The following GDPD3 variants were observed in gnomAD, a reference collection of about 807,000 sequenced individuals.
GDPD3 encodes lysophospholipase D GDPD3.
In GDPD3, 40 loss-of-function variants were observed where a neutral mutation model predicts 43.7. The ratio of observed to expected loss-of-function variants is 0.91; its 90% CI spans 0.71 to 1.19. The LOEUF is 1.19. Ranked by LOEUF, GDPD3 falls within the 50% of genes most tolerant of loss-of-function variation. The pLI is 0.00. For synonymous variants in GDPD3, 145 were observed against 162.9 expected, an observed-to-expected ratio of 0.89 and a Z score of 0.84; for missense variants, 363 against 415.8, an observed-to-expected ratio of 0.87 and a Z score of 1.11.
Position 30,112,359 on chromosome 16 carries a change from T to C in GDPD3, c.430A>G (p.Arg144Gly). 6.2e-7 allele frequency: 1 copy of C among 1,614,198 alleles called. No individual in the cohort carries two copies. The highest frequency in any genetic ancestry group is 8.5e-7 in the Non-Finnish European group (1 of 1,180,038). Reference sequence around the variant, plus strand: ...TTGATCTCTACGCTCATGGGTGTCCTTGGAAACCTCTGGAACAGGTCCTCC... The same window carrying C: ...TTGATCTCTACGCTCATGGGTGTCCCTGGAAACCTCTGGAACAGGTCCTCC... ...RLEDLFQRFP[R>G]TPMSVEIKGK... Residue 144 changes from arginine to glycine, a missense_variant, in exon 5 of 10, where the codon AGG becomes GGG. Transcript: ENST00000406256. This position sits in a 1 kb window ranked among gnomAD's most constrained non-coding sequence, Gnocchi z 5.4.
Position 30,112,853 on chromosome 16 carries a change from G to T in GDPD3, c.183-60C>A. 6.3e-7 allele frequency: 1 copy of T among 1,575,880 alleles called. No individual in the cohort carries two copies. The highest frequency in any genetic ancestry group is 2.2e-5 in the East Asian group (1 of 44,668). On this transcript the variant is annotated intron_variant, in intron 2 of 9. Coordinates refer to ENST00000406256, the MANE Select transcript of GDPD3 (RefSeq NM_024307.3). This position sits in a 1 kb window ranked among gnomAD's most constrained non-coding sequence, Gnocchi z 5.4. ...GGGGACTGGGATGAGGGGCATGGTGGCTGGGAGGTGGCCGGGAATGTGAGA... is the reference window on the plus strand; with the variant it reads ...GGGGACTGGGATGAGGGGCATGGTGTCTGGGAGGTGGCCGGGAATGTGAGA...
chr16:30,112,353 G>A lies in GDPD3; in HGVS notation c.436C>T (p.Pro146Ser), dbSNP rs1470082781. The A allele has an allele frequency of 6.2e-7, 1 of 1,614,216 alleles. No individual in the cohort carries two copies. Among genetic ancestry groups the A allele is most frequent in the Non-Finnish European group, 8.5e-7 (1 of 1,180,044 alleles). ...TTCCCTTTGATCTCTACGCTCATGG[G>A]TGTCCTTGGAAACCTCTGGAACAGG... ...EDLFQRFPRT[P>S]MSVEIKGKNE... Residue 146 changes from proline to serine, a missense_variant, in exon 5 of 10, where the codon CCC (proline) becomes TCC (serine). Pro to Ser is a moderately conservative substitution (Grantham distance 74). Coordinates refer to ENST00000406256, the MANE Select transcript of GDPD3 (RefSeq NM_024307.3). This position sits in a 1 kb window ranked among gnomAD's most constrained non-coding sequence, Gnocchi z 5.4.
In GDPD3 at chr16:30,113,371, G is replaced by C; in HGVS notation, c.108C>G (p.Thr36=). ...PHLLHTPRAP[T]FRIRLGAHRG... is the part of the protein sequence containing the mutation. ...GGTGGGCCCCCAGGCGGATGCGGAA[G>C]GTGGGAGCCCTGGGCGTGTGCAGCA... is the stretch of plus-strand genomic sequence containing the variant. Residue 36 remains threonine, a synonymous_variant, in exon 1 of 10, where the codon ACC becomes ACG. Coordinates refer to ENST00000406256, the MANE Select transcript of GDPD3 (RefSeq NM_024307.3). This position sits in a 1 kb window ranked among gnomAD's most constrained non-coding sequence, Gnocchi z 5.9. The C allele has an allele frequency of 6.2e-7, 1 of 1,609,726 alleles. No individual in the cohort carries two copies. Among genetic ancestry groups the C allele is most frequent in the Non-Finnish European group, 8.5e-7 (1 of 1,177,554 alleles).
rs960836995 is a variant in GDPD3 at position 30,113,017 on chromosome 16, C to A, written c.182+5G>T. The stretch of plus-strand genomic sequence containing the variant: ...GGCAGCCTGGGCAGGGGCAGATACA[C>A]TCACTTCTCCATGGCCTCCATGGTG... On this transcript the variant is annotated splice_donor_5th_base_variant and intron_variant, in intron 2 of 9. Coordinates refer to ENST00000406256, the MANE Select transcript of GDPD3 (RefSeq NM_024307.3). This position sits in a 1 kb window ranked among gnomAD's most constrained non-coding sequence, Gnocchi z 5.9. 6.2e-7 allele frequency: 1 copy of A among 1,613,196 alleles called. No homozygotes were observed. Among genetic ancestry groups the A allele is most frequent in the Non-Finnish European group, 8.5e-7 (1 of 1,179,520 alleles).
At chr16:30,106,966 C>G (rs2072865298) in intron 9 of GDPD3, among the ~76,000 whole-genome samples, 1 of 152,192 alleles carries the variant, frequency 6.6e-6, no homozygotes, top group East Asian at 1.9e-4. Context: ...GCCTTGGCCT[C>G]CCAAAGTGCT....
intron 7 of GDPD3, among the ~76,000 whole-genome samples, chr16:30,109,183 A>G (rs1042857789): frequency 6.6e-6 from 1 of 151,998 alleles, no homozygotes; most frequent in African/African-American, 2.4e-5. Flanking sequence ...GCTGGTCTTG[A>G]ACTCCTGGAC....
rs979757386 is a variant in GDPD3 at position 30,111,373 on chromosome 16, G to GC, written c.707+14dup. ...GCAGTGGGGAGTTTTTCTGAGGTCC[G>GC]CCCCCCACTGGTACCTGTTGATGAT... On this transcript the variant is annotated intron_variant, in intron 7 of 9. Coordinates refer to ENST00000406256, the MANE Select transcript of GDPD3 (RefSeq NM_024307.3). 2.5e-6 allele frequency: 4 copies of GC among 1,612,644 alleles called. No individual in the cohort carries two copies. Among genetic ancestry groups the GC allele is most frequent in the Non-Finnish European group, 3.4e-6 (4 of 1,179,320 alleles).
At chr16:30,110,009 G>C (rs2072888100) in intron 7 of GDPD3, among the ~76,000 whole-genome samples, 1 of 152,130 alleles carries the variant, frequency 6.6e-6, no homozygotes, top group African/African-American at 2.4e-5. Flanking sequence ...ATTTCCAGCT[G>C]TGTGTCCTTG....
At chr16:30,108,016 CAGAA>C (rs2072872003) in intron 9 of GDPD3, 193 bp downstream of exon 9, 1 of 524,104 alleles carries the variant, frequency 1.9e-6, no homozygotes, top group South Asian at 2.3e-5. Flanking sequence ...CACACACACA[CAGAA>C]GAAGAAAATT....
At chr16:30,107,024 T>C (rs12444415) in intron 9 of GDPD3, among the ~76,000 whole-genome samples, 72,859 of 151,868 alleles carry the variant, frequency 0.48, 17,762 homozygotes, top group African/African-American at 0.54. Context: ...ATTTTTCTTT[T>C]CTTTCCCTTT....
chr16:30,113,425 G>A lies in GDPD3; in HGVS notation c.54C>T (p.Leu18=), dbSNP rs2072920963. 1 of 1,612,052 alleles carries A rather than the reference G, an allele frequency of 6.2e-7. No individual in the cohort carries two copies. Among genetic ancestry groups the A allele is most frequent in the East Asian group, 2.2e-5 (1 of 44,810 alleles). ...ALPALGSYAM[L]SIFFLRRPHL... is the part of the protein sequence containing the mutation. ...GAGGCCGGCGCAGGAAGAAGATGGA[G>A]AGCATGGCATAGCTGCCCAGGGCAG... is the stretch of plus-strand genomic sequence containing the variant. The change falls in exon 1 of 10, where the codon CTC becomes CTT. Residue 18 remains leucine (L), a synonymous_variant. Transcript: ENST00000406256. This position sits in a 1 kb window ranked among gnomAD's most constrained non-coding sequence, Gnocchi z 5.9.
At position 30,112,242 on chromosome 16, in the gene GDPD3, TGAAG is replaced by T; in HGVS notation, c.484-25_484-22del. ...GCTATCTGGGAGGAGGAGAAGGAGG[TGAAG>T]GGAGAGCCAGGCCTCTCTCACGCCC... On this transcript the variant is annotated intron_variant, in intron 5 of 9. Transcript: ENST00000406256. The surrounding 1 kb of genome is among the most constrained non-coding windows in gnomAD (Gnocchi z 5.4). 1 of 1,613,514 alleles carries T rather than the reference TGAAG, an allele frequency of 6.2e-7. No homozygotes were observed. The highest frequency in any genetic ancestry group is 8.5e-7 in the Non-Finnish European group (1 of 1,179,594).
In GDPD3 at chr16:30,105,006, C is replaced by T; in HGVS notation, c.823G>A (p.Val275Ile). 6.2e-7 allele frequency: 1 copy of T among 1,606,142 alleles called. No homozygotes were observed. The highest frequency in any genetic ancestry group is 8.5e-7 in the Non-Finnish European group (1 of 1,176,862). The part of the protein sequence containing the change: ...RHLEERGVQV[V>I]FWCLNEESDF... ...GACTCTTCATTAAGGCACCAAAAGA[C>T]CACCTGAGCAGGGAGGGAGGGGGCC... The change falls in exon 10 of 10, where the codon GTC becomes ATC. Residue 275 changes from valine to isoleucine, a missense_variant. By Grantham distance (29) the Val-to-Ile change is conservative (BLOSUM62 3). Coordinates refer to ENST00000406256, the MANE Select transcript of GDPD3 (RefSeq NM_024307.3).
At position 30,112,506 on chromosome 16, in the gene GDPD3, G is replaced by A. The variant is rs561889339; in HGVS notation, c.364+17C>T. On this transcript the variant is annotated intron_variant, in intron 4 of 9. Coordinates refer to ENST00000406256, the MANE Select transcript of GDPD3 (RefSeq NM_024307.3). The surrounding 1 kb of genome is among the most constrained non-coding windows in gnomAD (Gnocchi z 5.4). ...GGCAGGCATGGCCCAGGCAGGGCTC[G>A]AAGCCCTTGCTCTCACCTGGAGAGA... The A allele has an allele frequency of 3.5e-5, 57 of 1,614,030 alleles. No homozygotes were observed. In the Middle Eastern group the frequency reaches 4.9e-4, roughly 14 times the overall value.
chr16:30,104,819 G>T lies in GDPD3; in HGVS notation c.*53C>A. On this transcript the variant is annotated 3_prime_UTR_variant, in exon 10 of 10. Transcript: ENST00000406256. Reference sequence around the variant, plus strand: ...CCTCAGCACAACGATGTGATCGAAAGGCAAATATTTATTTTTCAGGAAGAG... The same window carrying T: ...CCTCAGCACAACGATGTGATCGAAATGCAAATATTTATTTTTCAGGAAGAG... The T allele has an allele frequency of 1.3e-6, 2 of 1,582,072 alleles. No homozygotes were observed. Among genetic ancestry groups the T allele is most frequent in the Non-Finnish European group, 1.7e-6 (2 of 1,153,722 alleles).
Position 30,111,379 on chromosome 16 carries a change from C to A in GDPD3, c.707+9G>T, listed in dbSNP as rs370852305. ...GGGAGTTTTTCTGAGGTCCGCCCCC[C>A]ACTGGTACCTGTTGATGATGTTGGG... On this transcript the variant is annotated intron_variant, in intron 7 of 9. Transcript: ENST00000406256. 1.9e-6 allele frequency: 3 copies of A among 1,613,568 alleles called. No individual in the cohort carries two copies. In the South Asian group the frequency reaches 3.3e-5, roughly 18 times the overall value.
intron 7 of GDPD3, among the ~76,000 whole-genome samples, chr16:30,109,065 T>C (rs189026144): frequency 0.019 from 2,966 of 152,104 alleles, 82 homozygotes; most frequent in African/African-American, 0.066. Flanking sequence ...CTCCTGACTT[T>C]GTGATCCGCC....
chr16:30,111,236 G>C (rs975390604), intron 7 of GDPD3, 152 bp downstream of exon 7: 11 of 818,618 alleles, frequency 1.3e-5, no homozygotes, highest in Middle Eastern at 2.5e-4. Context: ...AGTTCCCTTA[G>C]TATTCATGAA....
At chr16:30,108,347 C>G in intron 8 of GDPD3, 26 bp downstream of exon 8, 1 of 1,613,748 alleles carries the variant, frequency 6.2e-7, no homozygotes, top group Non-Finnish European at 8.5e-7. Flanking sequence ...TGGGGACACG[C>G]CACCCAGCCA....
Sources: allele counts gnomAD v4.1 joint callset (sites outside exome capture counted in the v4.1 genomes callset), GRCh38; gene constraint gnomAD v4.1.1; non-coding constraint Gnocchi (gnomAD v3.1); transcripts MANE v1.5; gene names NCBI Gene and HGNC (gene_info 2026-07-23, HGNC 2026-07-21).